Variants in CC2D2B observed in about 807,000 individuals in gnomAD.
CC2D2B encodes the protein protein CC2D2B.
CC2D2B carries 128 observed loss-of-function variants against 161.2 expected under a neutral mutation model. The ratio of observed to expected loss-of-function variants is 0.79; its 90% CI spans 0.69 to 0.92. CC2D2B has a LOEUF of 0.92. Ranked by LOEUF, CC2D2B falls within the 40% of genes least tolerant of loss-of-function variation. CC2D2B has a pLI of 0.00. For missense variants in CC2D2B, 1,173 were observed against 1,375.1 expected (o/e 0.85, Z 2.32); for synonymous variants, 391 against 449.8 (o/e 0.87, Z 1.65).
At chr10:96,024,821 G>A in intron 32 of CC2D2B, 32 bp from the exon 33 acceptor site, 1 of 1,276,366 alleles carries the variant, frequency 7.8e-7, no homozygotes, top group Non-Finnish European at 1.1e-6. Flanking sequence ...ATGGTCTCTA[G>A]AATCTATTCT....
Position 95,991,473 on chromosome 10 carries a change from A to G in CC2D2B, c.2471+12A>G, listed in dbSNP as rs1204924295. 16 of 792,380 alleles carry G rather than the reference A, an allele frequency of 2.0e-5. No individual in the cohort carries two copies. In the East Asian group the frequency reaches 5.4e-4, roughly 27 times the overall value. The allele number at this position is 792,380 out of a possible 1,614,324, so 49.1% of individuals were successfully genotyped here. ...ATTGTATCTACAAGGTAATTGCTAA[A>G]AACTATTAAGTATGAAATATAAACC... is the stretch of plus-strand genomic sequence containing the variant. On this transcript the variant is annotated intron_variant, in intron 21 of 34. Transcript: ENST00000646931.
chr10:95,995,489 T>A, intron 23 of CC2D2B, 124 bp downstream of exon 23: 1 of 535,168 alleles, frequency 1.9e-6, no homozygotes, highest in Non-Finnish European at 3.2e-6. Flanking sequence ...CATGACACAG[T>A]AAAGGTGGCC....
chr10:95,952,392 G>C (rs2076433580), intron 10 of CC2D2B: 1 of 152,262 alleles, frequency 6.6e-6, no homozygotes, highest in East Asian at 1.9e-4. Context: ...GAAGTGTCAA[G>C]ATGTGAAAGC....
intron 16 of CC2D2B, among the ~76,000 whole-genome samples, chr10:95,973,108 G>A (rs1322354660): frequency 6.7e-6 from 1 of 150,110 alleles, no homozygotes; most frequent in African/African-American, 2.5e-5. Context: ...CCTATTTGGT[G>A]AAAAGTAAGG....
intron 15 of CC2D2B, among the ~76,000 whole-genome samples, chr10:95,969,637 TTC>T (rs1468362061): frequency 6.6e-6 from 1 of 152,186 alleles, no homozygotes; most frequent in African/African-American, 2.4e-5. Context: ...AATAATTTTA[TTC>T]TCTCCTGATA....
chr10:95,947,755 A>T (rs1388296727), intron 9 of CC2D2B, among the ~76,000 whole-genome samples: 1 of 137,948 alleles, frequency 7.2e-6, no homozygotes, highest in Non-Finnish European at 1.6e-5. Flanking sequence ...CTCAAGAAAT[A>T]AAAAAAAAAA....
chr10:95,961,757 C>A, intron 11 of CC2D2B, 72 bp from the exon 12 acceptor site: 1 of 879,566 alleles, frequency 1.1e-6, no homozygotes, highest in Non-Finnish European at 1.5e-6. Flanking sequence ...GCAATACATT[C>A]TTCCATGCCA....
At chr10:95,951,567 T>G (rs1422486604) in intron 10 of CC2D2B, among the ~76,000 whole-genome samples, 1 of 152,204 alleles carries the variant, frequency 6.6e-6, no homozygotes, top group African/African-American at 2.4e-5. Context: ...ATTCTAACTT[T>G]TAGTAAAATA....
At chr10:96,025,235 G>A (rs1470338424) in intron 33 of CC2D2B, among the ~76,000 whole-genome samples, 3 of 116,640 alleles carry the variant, frequency 2.6e-5, no homozygotes, top group Non-Finnish European at 5.1e-5. Flanking sequence ...GGGCATGATG[G>A]CATATACCTG....
chr10:96,001,543 C>G (rs934896465), intron 24 of CC2D2B, among the ~76,000 whole-genome samples: 4 of 152,146 alleles, frequency 2.6e-5, no homozygotes, highest in Non-Finnish European at 5.9e-5. Context: ...GTGATGACAT[C>G]TTGGAGGCTA....
chr10:96,011,787 A>G (rs2079003877), intron 26 of CC2D2B, among the ~76,000 whole-genome samples: 1 of 151,384 alleles, frequency 6.6e-6, no homozygotes, highest in Admixed American at 6.6e-5. Context: ...AATTTCTCCT[A>G]CTGTGGACCT....
In CC2D2B at chr10:96,031,813, G is replaced by A. The variant is rs755832814; in HGVS notation, c.4126-7G>A. On this transcript the variant is annotated splice_region_variant and splice_polypyrimidine_tract_variant and intron_variant, in intron 34 of 34. Transcript: ENST00000646931. ...TGGGTTTATGTGCTGTTCTGTCTTT[G>A]ATCCAGGTCACGGGATTTCCCATCC... 1 of 1,611,040 alleles carries A rather than the reference G, an allele frequency of 6.2e-7. No individual in the cohort carries two copies. Among genetic ancestry groups the A allele is most frequent in the Non-Finnish European group, 8.5e-7 (1 of 1,177,910 alleles).
chr10:96,025,210 T>TAAAAAAAAAA (rs1166528538), intron 33 of CC2D2B, among the ~76,000 whole-genome samples: 1 of 128,280 alleles, frequency 7.8e-6, no homozygotes, highest in Non-Finnish European at 1.6e-5. Flanking sequence ...TATATATATA[T>TAAAAAAAAAA]ATATATATAT....
intron 24 of CC2D2B, chr10:96,000,295 T>G: frequency 1.4e-6 from 1 of 729,730 alleles, no homozygotes; most frequent in Non-Finnish European, 1.7e-6. Context: ...GATACTTTTC[T>G]CTATTTTTCT....
chr10:95,914,832 A>G (rs80048185), intron 2 of CC2D2B, among the ~76,000 whole-genome samples: 2,307 of 152,308 alleles, frequency 0.015, 62 homozygotes, highest in African/African-American at 0.053. Flanking sequence ...ATGGACTAAT[A>G]GAGTCAGGTA....
intron 5 of CC2D2B, among the ~76,000 whole-genome samples, chr10:95,926,815 A>T (rs111890999): frequency 7.7e-4 from 104 of 135,024 alleles, no homozygotes; most frequent in African/African-American, 2.5e-3. Flanking sequence ...CTGAGGTGGC[A>T]GTGTGTGTGT....
chr10:95,996,302 A>G, intron 24 of CC2D2B, 50 bp downstream of exon 24: 3 of 826,282 alleles, frequency 3.6e-6, no homozygotes, highest in Non-Finnish European at 5.6e-6. Context: ...AGCAATAATA[A>G]AATTATTTTC....
intron 1 of CC2D2B, among the ~76,000 whole-genome samples, chr10:95,910,225 G>C (rs1346176873): frequency 6.6e-6 from 1 of 152,196 alleles, no homozygotes; most frequent in Non-Finnish European, 1.5e-5. Flanking sequence ...GGAATTGCAT[G>C]AACTTGCATT....
intron 11 of CC2D2B, among the ~76,000 whole-genome samples, chr10:95,956,643 A>T (rs2076576779): frequency 6.6e-6 from 1 of 152,162 alleles, no homozygotes; most frequent in Non-Finnish European, 1.5e-5. Context: ...AACCTGTCTG[A>T]TGTAACTGCA....
Sources: allele counts gnomAD v4.1 joint callset (sites outside exome capture counted in the v4.1 genomes callset), GRCh38; gene constraint gnomAD v4.1.1; transcripts MANE v1.5; gene names NCBI Gene and HGNC (gene_info 2026-07-23, HGNC 2026-07-21).